PCDHGB1: variants seen among roughly 807,000 people sequenced by gnomAD.
The protein encoded by PCDHGB1 is protocadherin gamma-B1.
In PCDHGB1, 34 loss-of-function variants were observed where a neutral mutation model predicts 56.6. The observed-to-expected ratio is 0.60, with a 90% CI of 0.46 to 0.80. The LOEUF (loss-of-function observed/expected upper bound fraction) is 0.80, where lower values mean the gene tolerates loss of function less well. Among genes scored for constraint, PCDHGB1 ranks in the 30% least tolerant of loss-of-function variants. The pLI is 0.00. For missense variants in PCDHGB1, 1,278 were observed against 1,204.6 expected (o/e 1.06, Z -0.90); for synonymous variants, 561 against 505.9 (o/e 1.11, Z -1.46).
rs1185020546 is a variant in PCDHGB1, at chr5:141,485,472, C to A, written c.2410-9335C>A. 3 of 1,614,138 alleles carry A rather than the reference C, an allele frequency of 1.9e-6. No homozygotes were observed. Among genetic ancestry groups the A allele is most frequent in the Non-Finnish European group, 2.5e-6 (3 of 1,180,022 alleles). On this transcript the variant is annotated intron_variant, in intron 1 of 3. Transcript: ENST00000523390. The surrounding 1 kb of genome is among the most constrained non-coding windows in gnomAD (Gnocchi z 5.7). The stretch of plus-strand genomic sequence containing the variant: ...CGAGAGGCACTGTGTGGGCTCAGTG[C>A]CAGCTGCATCGTGCCCCTGGAGTTT...
At position 141,487,736 on chromosome 5, in the gene PCDHGB1, G is replaced by C; in HGVS notation, c.2410-7071G>C. On this transcript the variant is annotated intron_variant, in intron 1 of 3. Transcript: ENST00000523390. The surrounding 1 kb of genome is among the most constrained non-coding windows in gnomAD (Gnocchi z 5.0). Reference sequence around the variant, plus strand: ...TGCCCATAGTGATGTCACCATTTTTGTAAGAGGTAACTATGTGGTAGACGC... The same window carrying C: ...TGCCCATAGTGATGTCACCATTTTTCTAAGAGGTAACTATGTGGTAGACGC... 1 of 1,563,758 alleles carries C rather than the reference G, an allele frequency of 6.4e-7. No homozygotes were observed.
chr5:141,403,416 C>G, intron 1 of PCDHGB1: 1 of 1,614,034 alleles, frequency 6.2e-7, no homozygotes, highest in Non-Finnish European at 8.5e-7. Flanking sequence ...TATCCACTTC[C>G]AGAAGCTATT....
intron 1 of PCDHGB1, chr5:141,374,969 G>A (rs200408172): frequency 1.2e-5 from 20 of 1,613,904 alleles, no homozygotes; most frequent in Middle Eastern, 1.6e-4. Flanking sequence ...CTGTTTGAAT[G>A]TTTTGACTGG....
intron 1 of PCDHGB1, among the ~76,000 whole-genome samples, chr5:141,368,345 A>G (rs1765594153): frequency 6.6e-6 from 1 of 152,166 alleles, no homozygotes; most frequent in South Asian, 2.1e-4. Context: ...ATATACATAT[A>G]CACACACATA....
chr5:141,407,924 C>T, intron 1 of PCDHGB1: 2 of 482,212 alleles, frequency 4.1e-6, no homozygotes, highest in Non-Finnish European at 3.6e-6. Flanking sequence ...CTGTCCCGCA[C>T]GGAGCCTCTG....
At chr5:141,413,785 C>G (rs771027783) in intron 1 of PCDHGB1, 17 of 1,613,070 alleles carry the variant, frequency 1.1e-5, no homozygotes, top group Non-Finnish European at 1.4e-5. Flanking sequence ...GGAGCACTCC[C>G]TAGATCGCGA....
intron 1 of PCDHGB1, chr5:141,372,387 G>T (rs771030632): frequency 3.7e-6 from 6 of 1,613,898 alleles, no homozygotes; most frequent in Non-Finnish European, 5.1e-6. Flanking sequence ...CCTAATCTTC[G>T]CAGATAGCTT....
At chr5:141,385,309 C>G (rs774342510) in intron 1 of PCDHGB1, 1 of 1,612,276 alleles carries the variant, frequency 6.2e-7, no homozygotes, top group South Asian at 1.1e-5. Flanking sequence ...TAAAGAAAAC[C>G]TGCCAAGTAT....
chr5:141,390,583 AATGAG>A (rs1352765004), intron 1 of PCDHGB1: 1 of 348,204 alleles, frequency 2.9e-6, no homozygotes, highest in Non-Finnish European at 5.2e-6. Context: ...CTAAAAAGTG[AATGAG>A]ATTTTTCCTA....
At chr5:141,398,949 C>T (rs749860900) in intron 1 of PCDHGB1, 1 of 1,613,948 alleles carries the variant, frequency 6.2e-7, no homozygotes, top group Non-Finnish European at 8.5e-7. Flanking sequence ...AGGGCATCAA[C>T]TCAGAAATTA....
At chr5:141,389,014 A>G (rs768171301) in intron 1 of PCDHGB1, 54 of 1,614,000 alleles carry the variant, frequency 3.3e-5, no homozygotes, top group Non-Finnish European at 4.5e-5. Flanking sequence ...TCCAGACACA[A>G]TGGAGAAGTG....
At chr5:141,355,901 A>C (rs1188720944) in intron 1 of PCDHGB1, 6 of 1,613,670 alleles carry the variant, frequency 3.7e-6, no homozygotes, top group Non-Finnish European at 4.2e-6. Flanking sequence ...ATACTTGTGG[A>C]TACCAACGAT....
intron 1 of PCDHGB1, among the ~76,000 whole-genome samples, chr5:141,446,065 G>T (rs1285093512): frequency 2.0e-5 from 3 of 152,306 alleles, no homozygotes; most frequent in African/African-American, 7.2e-5. Flanking sequence ...GATTAAAGGG[G>T]AGGCAGTGGA....
chr5:141,462,262 A>G (rs2099035971), intron 1 of PCDHGB1, among the ~76,000 whole-genome samples: 1 of 152,192 alleles, frequency 6.6e-6, no homozygotes, highest in African/African-American at 2.4e-5. Flanking sequence ...GACCAGCCTA[A>G]AGTGTATTGT....
chr5:141,415,080 C>T (rs1426953509), intron 1 of PCDHGB1: 1 of 1,613,526 alleles, frequency 6.2e-7, no homozygotes, highest in African/African-American at 1.3e-5. Context: ...CGGCGCGAGC[C>T]CTGCTGGACA....
chr5:141,355,412 G>A lies in PCDHGB1; in HGVS notation c.2409+2743G>A, dbSNP rs556932481. On this transcript the variant is annotated intron_variant, in intron 1 of 3. Coordinates refer to ENST00000523390, the MANE Select transcript of PCDHGB1 (RefSeq NM_018922.3). ...GGAGTCCGCATCGTCTCCAGAGGTA[G>A]GACGCAGCTTTTCGCCCTGAACCCG... is the stretch of plus-strand genomic sequence containing the variant. 188 of 1,614,112 alleles carry A rather than the reference G, an allele frequency of 1.2e-4. 2 individuals are homozygous for A. In the South Asian group the frequency reaches 2.0e-3, roughly 17 times the overall value.
chr5:141,433,328 G>C, intron 1 of PCDHGB1: 1 of 724,580 alleles, frequency 1.4e-6, no homozygotes, highest in Non-Finnish European at 2.3e-6. Context: ...GGTGTAACAG[G>C]GACTACAGGT....
At position 141,489,657 on chromosome 5, in the gene PCDHGB1, G is replaced by T. The variant is rs755618175; in HGVS notation, c.2410-5150G>T. 6.2e-7 allele frequency: 1 copy of T among 1,614,198 alleles called. No individual in the cohort carries two copies. Among genetic ancestry groups the T allele is most frequent in the Admixed American group, 1.7e-5 (1 of 60,030 alleles). ...CTAGCTTTGCCACCCCTGAGCGAGA[G>T]ATGCGCATCTCAGAATCAGCAGCAT... On this transcript the variant is annotated intron_variant, in intron 1 of 3. Coordinates refer to ENST00000523390, the MANE Select transcript of PCDHGB1 (RefSeq NM_018922.3). This position sits in a 1 kb window ranked among gnomAD's most constrained non-coding sequence, Gnocchi z 4.5.
chr5:141,506,742 A>G (rs1475692668), intron 3 of PCDHGB1, among the ~76,000 whole-genome samples: 5 of 152,172 alleles, frequency 3.3e-5, no homozygotes, highest in Non-Finnish European at 7.3e-5. Context: ...AATGCCTATT[A>G]ATAAAGACTA....
Sources: gnomAD v4.1 joint callset for allele counts (sites outside exome capture counted in the v4.1 genomes callset) on GRCh38, gnomAD v4.1.1 for gene constraint, Gnocchi (gnomAD v3.1) non-coding constraint, MANE v1.5 for transcripts, NCBI Gene and HGNC (gene_info 2026-07-23, HGNC 2026-07-21) for gene names.